The following ADGRD1 variants were observed in gnomAD, a reference collection of about 807,000 sequenced individuals.
ADGRD1 encodes adhesion G protein-coupled receptor D1.
In ADGRD1, 77 loss-of-function variants were observed where a neutral mutation model predicts 113.4. The ratio of observed to expected loss-of-function variants is 0.68; its 90% CI spans 0.57 to 0.82. The LOEUF (loss-of-function observed/expected upper bound fraction) is 0.82, where lower values mean the gene tolerates loss of function less well. ADGRD1 is among the 40% of genes least tolerant of loss of function. The probability of loss-of-function intolerance (pLI) is 0.00; values close to 1 mark genes in which losing one functional copy is unlikely to be tolerated. For synonymous variants in ADGRD1, 474 were observed against 475.0 expected, an observed-to-expected ratio of 1.00 and a Z score of 0.03; for missense variants, 1,036 against 1,139.1, an observed-to-expected ratio of 0.91 and a Z score of 1.30.
chr12:131,137,259 TAGGG>T (rs1179533065), intron 23 of ADGRD1, among the ~76,000 whole-genome samples: 2 of 152,144 alleles, frequency 1.3e-5, no homozygotes, highest in East Asian at 3.9e-4. Flanking sequence ...GACTGCATCT[TAGGG>T]AGAGTGAGAT....
At chr12:130,955,180 G>A (rs1203284935) in intron 2 of ADGRD1, among the ~76,000 whole-genome samples, 2 of 140,090 alleles carry the variant, frequency 1.4e-5, no homozygotes, top group Non-Finnish European at 3.0e-5. Context: ...GGCCAGGCTG[G>A]TCTCGAACTC....
At chr12:130,970,586 G>A (rs1157230970) in intron 3 of ADGRD1, 1 of 152,202 alleles carries the variant, frequency 6.6e-6, no homozygotes, top group African/African-American at 2.4e-5. Flanking sequence ...CGGCTGCCGG[G>A]GGCTCAGACA....
At position 131,014,295 on chromosome 12, in the gene ADGRD1, C is replaced by T; in HGVS notation, c.1428C>T (p.Asn476=). ...CCCCACCACCCACCCTGTCTCAGAA[C>T]CTGTCGGGCTCTCCACTCATTACGG... is the stretch of plus-strand genomic sequence containing the variant. ...EVSPPPTLSQ[N]LSGSPLITVH... The change falls in exon 13 of 25, where the codon AAC becomes AAT. Residue 476 remains asparagine (N), a synonymous_variant. Transcript: ENST00000261654. The T allele has an allele frequency of 6.2e-7, 1 of 1,614,146 alleles. No homozygotes were observed. Among genetic ancestry groups the T allele is most frequent in the Non-Finnish European group, 8.5e-7 (1 of 1,179,984 alleles).
chr12:131,004,845 C>T (rs1204194433), intron 11 of ADGRD1, among the ~76,000 whole-genome samples: 1 of 152,206 alleles, frequency 6.6e-6, no homozygotes, highest in African/African-American at 2.4e-5. Flanking sequence ...CCAGGGAGCC[C>T]TGTTGGGAGC....
rs904889432 is a variant in ADGRD1, at chr12:130,965,059, C to A, written c.104-1404C>A. On this transcript the variant is annotated intron_variant, in intron 2 of 24. Transcript: ENST00000261654. This position sits in a 1 kb window ranked among gnomAD's most constrained non-coding sequence, Gnocchi z 4.8. ...TGAATCCTTCATGCATTCGAGGGTG[C>A]TTTCACATCCCTCAGAATTATTATT... 6.6e-6 allele frequency among the ~76,000 whole-genome samples: 1 copy of A among 152,178 alleles called. No homozygotes were observed. The highest frequency in any genetic ancestry group is 2.4e-5 in the African/African-American group (1 of 41,462).
Position 131,086,657 on chromosome 12 carries a change from C to T in ADGRD1, c.1671+1994C>T, listed in dbSNP as rs372580110. ...AATGGCAGATGCTCCTGAGCTGCAG[C>T]CCCTCACAGGGCGAAAGACGCACGT... On this transcript the variant is annotated intron_variant, in intron 15 of 24. Transcript: ENST00000261654. Among the ~76,000 whole-genome samples the T allele has an allele frequency of 3.9e-5, 6 of 152,340 alleles. No homozygotes were observed. In the East Asian group the frequency reaches 1.2e-3, roughly 29 times the overall value.
intron 18 of ADGRD1, 22 bp downstream of exon 18, chr12:131,108,899 GGA>G: frequency 6.8e-7 from 1 of 1,479,902 alleles, no homozygotes; most frequent in Non-Finnish European, 9.3e-7. Context: ...AGGGCAGGTG[GGA>G]TGGCGGGGCG....
chr12:131,002,954 G>A (rs1315720741), intron 9 of ADGRD1: 12 of 734,132 alleles, frequency 1.6e-5, no homozygotes, highest in South Asian at 8.7e-5. Context: ...AGGAGCCGGC[G>A]ATGGCTGGGG....
At chr12:131,123,205 C>T (rs1566130574) in intron 20 of ADGRD1, among the ~76,000 whole-genome samples, 2 of 151,660 alleles carry the variant, frequency 1.3e-5, no homozygotes, top group East Asian at 2.0e-4. Flanking sequence ...CCACCAAGCC[C>T]AGCTAATTTT....
At chr12:131,108,392 C>G (rs556572361) in intron 17 of ADGRD1, among the ~76,000 whole-genome samples, 1 of 152,108 alleles carries the variant, frequency 6.6e-6, no homozygotes, top group Non-Finnish European at 1.5e-5. Context: ...CAGAATCCAC[C>G]CTGATTGGAC....
rs1873440111 is a variant in ADGRD1, at chr12:130,984,823, TCCTTCCTTCCTTCTTG to T, written c.491-2265_491-2250del. Among the ~76,000 whole-genome samples, 1 of 147,024 alleles carries T rather than the reference TCCTTCCTTCCTTCTTG, an allele frequency of 6.8e-6. No homozygotes were observed. The highest frequency in any genetic ancestry group is 2.6e-5 in the African/African-American group (1 of 38,776). On this transcript the variant is annotated intron_variant, in intron 5 of 24. Coordinates refer to ENST00000261654, the MANE Select transcript of ADGRD1 (RefSeq NM_198827.5). The surrounding 1 kb of genome is among the most constrained non-coding windows in gnomAD (Gnocchi z 4.1). The stretch of plus-strand genomic sequence containing the variant: ...TCCCTCCCTCCCTTCCTCCCTCCCT[TCCTTCCTTCCTTCTTG>T]CCTTCCATCCTCCCTTGCTCCCTTC...
intron 13 of ADGRD1, among the ~76,000 whole-genome samples, chr12:131,035,712 ATGT>A (rs1208123258): frequency 6.6e-6 from 1 of 152,222 alleles, no homozygotes; most frequent in Non-Finnish European, 1.5e-5. Context: ...ACATAGTATG[ATGT>A]TGTTATTATT....
chr12:130,956,025 G>A (rs1869537316), intron 2 of ADGRD1, among the ~76,000 whole-genome samples: 1 of 152,238 alleles, frequency 6.6e-6, no homozygotes, highest in Non-Finnish European at 1.5e-5. Context: ...CTGACCTCGG[G>A]TGATCCAACC....
Position 130,965,388 on chromosome 12 carries a change from T to C in ADGRD1, c.104-1075T>C, listed in dbSNP as rs1488246590. The stretch of plus-strand genomic sequence containing the variant: ...TATCTCCTCTTTAAAAAGTATTTTT[T>C]TTAAAAAAACAAGGACTAACATAGA... On this transcript the variant is annotated intron_variant, in intron 2 of 24. Coordinates refer to ENST00000261654, the MANE Select transcript of ADGRD1 (RefSeq NM_198827.5). This position sits in a 1 kb window ranked among gnomAD's most constrained non-coding sequence, Gnocchi z 4.8. Among the ~76,000 whole-genome samples the C allele has an allele frequency of 6.6e-6, 1 of 152,188 alleles. No individual in the cohort carries two copies. The highest frequency in any genetic ancestry group is 2.4e-5 in the African/African-American group (1 of 41,438).
At chr12:131,118,258 T>C in intron 18 of ADGRD1, 127 bp from the exon 19 acceptor site, 3 of 676,752 alleles carry the variant, frequency 4.4e-6, no homozygotes, top group Non-Finnish European at 7.8e-6. Flanking sequence ...AATTAGCACA[T>C]AGTTCCCCCT....
chr12:131,135,361 C>T lies in ADGRD1; in HGVS notation c.2268-676C>T, dbSNP rs576976476. Among the ~76,000 whole-genome samples, 5 of 152,294 alleles carry T rather than the reference C, an allele frequency of 3.3e-5. No homozygotes were observed. In the South Asian group the frequency reaches 1.0e-3, roughly 32 times the overall value. The stretch of plus-strand genomic sequence containing the variant: ...CCCATGGGCTCTAGGGAGATAAAAA[C>T]GCATGCTGATGGGGCTGGTGTGTTC... On this transcript the variant is annotated intron_variant, in intron 21 of 24. Coordinates refer to ENST00000261654, the MANE Select transcript of ADGRD1 (RefSeq NM_198827.5).
intron 13 of ADGRD1, among the ~76,000 whole-genome samples, chr12:131,058,333 C>T (rs774637067): frequency 3.0e-4 from 45 of 152,184 alleles, no homozygotes; most frequent in Admixed American, 2.5e-3. Flanking sequence ...TGACCCAGGG[C>T]GGGTCGGCTG....
rs1332428700 is a variant in ADGRD1 at position 130,954,158 on chromosome 12, G to A, written c.-308G>A. ...CCCGGGCGCAGGTCGCGGTCACAGT[G>A]GTGACCTGGGATTGCTTTCCCAGGA... is the stretch of plus-strand genomic sequence containing the variant. On this transcript the variant is annotated 5_prime_UTR_variant, in exon 1 of 25. Coordinates refer to ENST00000261654, the MANE Select transcript of ADGRD1 (RefSeq NM_198827.5). The surrounding 1 kb of genome is among the most constrained non-coding windows in gnomAD (Gnocchi z 4.7). 5.8e-6 allele frequency: 2 copies of A among 344,144 alleles called. No homozygotes were observed. Among genetic ancestry groups the A allele is most frequent in the South Asian group, 1.4e-4 (1 of 7,062 alleles). The allele number at this position is 344,144 out of a possible 1,614,324, so 21.3% of individuals were successfully genotyped here. A position where few individuals can be genotyped will look rare whatever the true frequency, so the allele number is the denominator to read the frequency against.
At chr12:131,076,269 A>G (rs1885599281) in intron 13 of ADGRD1, among the ~76,000 whole-genome samples, 1 of 152,204 alleles carries the variant, frequency 6.6e-6, no homozygotes, top group Admixed American at 6.5e-5. Flanking sequence ...GATATTGTAG[A>G]GGGGAAGGTA....
Sources: allele counts gnomAD v4.1 joint callset (sites outside exome capture counted in the v4.1 genomes callset), GRCh38; gene constraint gnomAD v4.1.1; non-coding constraint Gnocchi (gnomAD v3.1); transcripts MANE v1.5; gene names NCBI Gene and HGNC (gene_info 2026-07-23, HGNC 2026-07-21).